PIGK: variants seen among roughly 807,000 people sequenced by gnomAD.
The protein encoded by PIGK is phosphatidylinositol glycan anchor biosynthesis class K.
A neutral mutation model predicts 50.6 loss-of-function variants in PIGK; 42 were observed. The ratio of observed to expected loss-of-function variants is 0.83; its 90% CI spans 0.65 to 1.07. The LOEUF (loss-of-function observed/expected upper bound fraction) is 1.07. Ranked by LOEUF, PIGK falls within the 50% of genes least tolerant of loss-of-function variation. The pLI, the probability that PIGK is intolerant of heterozygous loss-of-function variation, is 0.00. For missense variants in PIGK, 448 were observed against 488.7 expected, an observed-to-expected ratio of 0.92 and a Z score of 0.78; for synonymous variants, 151 against 156.0, an observed-to-expected ratio of 0.97 and a Z score of 0.24.
intron 1 of PIGK, among the ~76,000 whole-genome samples, chr1:77,213,437 G>A (rs1021748517): frequency 6.6e-6 from 1 of 151,912 alleles, no homozygotes; most frequent in Admixed American, 6.6e-5. Context: ...TCAAATATAT[G>A]GAAATTAAAC....
chr1:77,208,190 C>A (rs1330311730), intron 2 of PIGK, among the ~76,000 whole-genome samples: 1 of 152,090 alleles, frequency 6.6e-6, no homozygotes, highest in East Asian at 1.9e-4. Context: ...CACACCACTG[C>A]ACTCCAGCCT....
intron 10 of PIGK, among the ~76,000 whole-genome samples, chr1:77,097,262 A>T (rs1370190257): frequency 2.0e-5 from 3 of 151,996 alleles, no homozygotes. Flanking sequence ...AAAGAGAGAA[A>T]CTCCAACTGC....
At chr1:77,186,720 G>A (rs12410452) in intron 3 of PIGK, among the ~76,000 whole-genome samples, 26,609 of 152,054 alleles carry the variant, frequency 0.17, 2,523 homozygotes, top group East Asian at 0.36. Flanking sequence ...AAGTGGCTAT[G>A]GTGGCAGGGA....
chr1:77,183,936 C>T (rs569339434), intron 3 of PIGK, among the ~76,000 whole-genome samples: 48 of 152,210 alleles, frequency 3.2e-4, no homozygotes, highest in African/African-American at 1.1e-3. Flanking sequence ...CAATGCCTTG[C>T]GAAATAGATT....
intron 9 of PIGK, among the ~76,000 whole-genome samples, chr1:77,137,152 C>T (rs1352501885): frequency 6.6e-6 from 1 of 152,132 alleles, no homozygotes; most frequent in East Asian, 1.9e-4. Context: ...GCTTTTGGGA[C>T]CCATGGATAA....
chr1:77,195,264 C>T, intron 3 of PIGK: 3 of 1,322,410 alleles, frequency 2.3e-6, no homozygotes, highest in Non-Finnish European at 3.2e-6. Flanking sequence ...CCTTGGGGCC[C>T]AGGGTGGCTG....
At chr1:77,124,071 A>T (rs1474139176) in intron 9 of PIGK, among the ~76,000 whole-genome samples, 1 of 152,064 alleles carries the variant, frequency 6.6e-6, no homozygotes, top group East Asian at 1.9e-4. Context: ...CCTTAGGAGA[A>T]ATCAATCCTG....
intron 2 of PIGK, 46 bp downstream of exon 2, chr1:77,210,390 A>T: frequency 2.7e-6 from 3 of 1,111,578 alleles, no homozygotes; most frequent in Non-Finnish European, 3.8e-6. Flanking sequence ...TTTCTCAGAT[A>T]CATATCTAAT....
At chr1:77,103,275 CTT>C in intron 10 of PIGK, among the ~76,000 whole-genome samples, 2 of 152,040 alleles carry the variant, frequency 1.3e-5, no homozygotes, top group Non-Finnish European at 2.9e-5. Context: ...TAACGATTCT[CTT>C]TTCTACTCAA....
intron 3 of PIGK, among the ~76,000 whole-genome samples, chr1:77,174,041 T>A (rs1396168691): frequency 6.6e-6 from 1 of 152,196 alleles, no homozygotes; most frequent in Non-Finnish European, 1.5e-5. Context: ...ATGGAAGCTA[T>A]CCAATATAGC....
At chr1:77,215,033 T>C (rs900390066) in intron 1 of PIGK, among the ~76,000 whole-genome samples, 3 of 152,124 alleles carry the variant, frequency 2.0e-5, no homozygotes, top group Admixed American at 6.6e-5. Context: ...ATGCATTGAA[T>C]TGGAAGAATA....
intron 3 of PIGK, among the ~76,000 whole-genome samples, chr1:77,185,130 C>T (rs1327241325): frequency 3.9e-5 from 6 of 152,204 alleles, no homozygotes; most frequent in Admixed American, 6.5e-5. Context: ...GCCACTGATT[C>T]GGCAAATACC....
chr1:77,207,722 C>A (rs917465008), intron 2 of PIGK, among the ~76,000 whole-genome samples: 1 of 152,032 alleles, frequency 6.6e-6, no homozygotes, highest in African/African-American at 2.4e-5. Context: ...ATATATCTAC[C>A]AAGTACAATC....
chr1:77,102,776 T>A (rs1479611737), intron 10 of PIGK, among the ~76,000 whole-genome samples: 2 of 152,234 alleles, frequency 1.3e-5, no homozygotes, highest in Non-Finnish European at 1.5e-5. Flanking sequence ...TCCAGATGTT[T>A]ATTATATGTC....
intron 3 of PIGK, among the ~76,000 whole-genome samples, chr1:77,201,723 A>G (rs934265924): frequency 2.0e-5 from 3 of 152,100 alleles, no homozygotes; most frequent in Non-Finnish European, 4.4e-5. Flanking sequence ...CCTGGGGTAC[A>G]GAGCAAGGCT....
intron 8 of PIGK, among the ~76,000 whole-genome samples, chr1:77,158,377 T>C (rs566122081): frequency 2.6e-5 from 4 of 152,106 alleles, no homozygotes; most frequent in African/African-American, 7.2e-5. Flanking sequence ...CATAGCAGTA[T>C]GAAAATGTAC....
intron 9 of PIGK, among the ~76,000 whole-genome samples, chr1:77,127,894 C>T (rs1026770947): frequency 2.0e-5 from 3 of 152,134 alleles, no homozygotes; most frequent in Non-Finnish European, 2.9e-5. Flanking sequence ...GTTCACACTC[C>T]TAAACTGCAT....
At chr1:77,144,749 A>G (rs1557804874) in intron 9 of PIGK, among the ~76,000 whole-genome samples, 1 of 151,950 alleles carries the variant, frequency 6.6e-6, no homozygotes, top group East Asian at 1.9e-4. Context: ...TTTTGAAACT[A>G]TAACAATAAG....
intron 3 of PIGK, among the ~76,000 whole-genome samples, chr1:77,191,526 G>C (rs1048071084): frequency 6.6e-6 from 1 of 152,106 alleles, no homozygotes; most frequent in African/African-American, 2.4e-5. Context: ...ACCACATCCT[G>C]AATTATACAT....
Sources: gnomAD v4.1 joint callset for allele counts (sites outside exome capture counted in the v4.1 genomes callset) on GRCh38, gnomAD v4.1.1 for gene constraint, MANE v1.5 for transcripts, NCBI Gene and HGNC (gene_info 2026-07-23, HGNC 2026-07-21) for gene names.